Variants in FSTL5 observed in about 807,000 individuals in gnomAD.
FSTL5 encodes the protein follistatin-related protein 5.
Under a neutral mutation model 89.1 loss-of-function variants are expected in FSTL5, and 62 were observed. The ratio of observed to expected loss-of-function variants is 0.70; its 90% CI spans 0.57 to 0.86. The LOEUF (loss-of-function observed/expected upper bound fraction) is 0.86. Ranked by LOEUF, FSTL5 falls within the 40% of genes least tolerant of loss-of-function variation. The pLI is 0.00. For synonymous variants in FSTL5, 383 were observed against 346.2 expected (o/e 1.11, Z -1.18); for missense variants, 1,057 against 1,001.6 (o/e 1.06, Z -0.75).
chr4:161,641,026 C>G (rs1173007942), intron 7 of FSTL5, among the ~76,000 whole-genome samples: 2 of 152,174 alleles, frequency 1.3e-5, no homozygotes, highest in Non-Finnish European at 2.9e-5. Context: ...AAGAAATAAG[C>G]TGCCAACCAG....
chr4:161,413,272 AAAAAAAAAAAAT>A (rs1274670104), intron 15 of FSTL5, among the ~76,000 whole-genome samples: 22,342 of 105,774 alleles, frequency 0.21, 3,864 homozygotes, highest in Non-Finnish European at 0.31. Flanking sequence ...AAAAAAAAAA[AAAAAAAAAAAAT>A]AAAGACACAC....
chr4:161,834,465 A>G (rs1395554298), intron 4 of FSTL5, among the ~76,000 whole-genome samples: 3 of 151,902 alleles, frequency 2.0e-5, no homozygotes, highest in Admixed American at 1.3e-4. Flanking sequence ...GATTAGGCAG[A>G]AGAAGGAAAT....
At chr4:161,678,485 A>G (rs1737399188) in intron 6 of FSTL5, among the ~76,000 whole-genome samples, 1 of 151,886 alleles carries the variant, frequency 6.6e-6, no homozygotes, top group African/African-American at 2.4e-5. Flanking sequence ...ACACAAATAC[A>G]TTACTGAAAA....
intron 5 of FSTL5, among the ~76,000 whole-genome samples, chr4:161,768,498 A>G (rs1741095368): frequency 6.6e-6 from 1 of 151,976 alleles, no homozygotes; most frequent in Non-Finnish European, 1.5e-5. Context: ...TCTAGGGTGT[A>G]AGGAAGGCAA....
In FSTL5 at chr4:161,550,082, A is replaced by G. The variant is rs1732147387; in HGVS notation, c.1016-7389T>C. Among the ~76,000 whole-genome samples the G allele has an allele frequency of 4.0e-5, 6 of 151,898 alleles. No homozygotes were observed. In the South Asian group the frequency reaches 1.2e-3, roughly 32 times the overall value. On this transcript the variant is annotated intron_variant, in intron 8 of 15. Transcript: ENST00000306100. ...ATTAAACTAGCTTCATGTTAACTAC[A>G]CAGAGAAAAATGAGGCAGGGGAGGG...
intron 12 of FSTL5, among the ~76,000 whole-genome samples, chr4:161,490,815 C>A (rs764554281): frequency 6.6e-6 from 1 of 152,008 alleles, no homozygotes; most frequent in Non-Finnish European, 1.5e-5. Context: ...CAAAGAGCTT[C>A]GCATTTGATT....
intron 8 of FSTL5, among the ~76,000 whole-genome samples, chr4:161,578,907 T>C (rs1403518671): frequency 6.6e-6 from 1 of 151,900 alleles, no homozygotes; most frequent in Admixed American, 6.6e-5. Flanking sequence ...TAAAAAAAAG[T>C]AAAAATATCT....
intron 4 of FSTL5, among the ~76,000 whole-genome samples, chr4:161,873,032 A>T (rs1390531753): frequency 6.6e-6 from 1 of 152,122 alleles, no homozygotes; most frequent in Non-Finnish European, 1.5e-5. Context: ...CTATAGAAAA[A>T]AGTTGGGGCT....
At chr4:162,069,811 GACTATA>G in intron 2 of FSTL5, among the ~76,000 whole-genome samples, 1 of 151,966 alleles carries the variant, frequency 6.6e-6, no homozygotes, top group Non-Finnish European at 1.5e-5. Context: ...CACTTTGGTT[GACTATA>G]TCTTAGCCTT....
intron 6 of FSTL5, among the ~76,000 whole-genome samples, chr4:161,699,745 T>C (rs983230591): frequency 2.0e-5 from 3 of 152,202 alleles, no homozygotes; most frequent in Non-Finnish European, 4.4e-5. Context: ...AGCATTCCCA[T>C]GGTGTTACCA....
At chr4:161,963,922 G>A (rs148367278) in intron 3 of FSTL5, among the ~76,000 whole-genome samples, 62 of 151,972 alleles carry the variant, frequency 4.1e-4, no homozygotes, top group African/African-American at 1.4e-3. Context: ...TCTTATAAGA[G>A]TACTTACATT....
chr4:161,888,652 T>C (rs1430564684), intron 4 of FSTL5, among the ~76,000 whole-genome samples: 1 of 152,102 alleles, frequency 6.6e-6, no homozygotes. Flanking sequence ...CTAGTGGTAA[T>C]GGGTGATAAG....
At chr4:161,758,900 T>C (rs1740679339) in intron 6 of FSTL5, among the ~76,000 whole-genome samples, 1 of 152,212 alleles carries the variant, frequency 6.6e-6, no homozygotes, top group Admixed American at 6.5e-5. Context: ...AAAAAATACA[T>C]TTAGTCACTC....
intron 2 of FSTL5, among the ~76,000 whole-genome samples, chr4:162,100,930 A>G (rs1355250065): frequency 1.3e-5 from 2 of 152,232 alleles, no homozygotes; most frequent in Non-Finnish European, 2.9e-5. Context: ...ATACGAGAGC[A>G]CGATTTTGAC....
At chr4:161,977,627 AAAAAAAAAAAAAAATAAT>A (rs1414925407) in intron 3 of FSTL5, among the ~76,000 whole-genome samples, 19 of 92,328 alleles carry the variant, frequency 2.1e-4, no homozygotes, top group African/African-American at 6.2e-4. Flanking sequence ...AAAAAAAAAA[AAAAAAAAAAAAAAATAAT>A]AATAATAATA....
At chr4:161,846,095 TTGTG>T (rs150894352) in intron 4 of FSTL5, among the ~76,000 whole-genome samples, 1 of 151,288 alleles carries the variant, frequency 6.6e-6, no homozygotes, top group Non-Finnish European at 1.5e-5. Flanking sequence ...GTGTGTGTGT[TTGTG>T]TGTGTGTGTG....
At chr4:161,805,169 A>T (rs1417936136) in intron 4 of FSTL5, among the ~76,000 whole-genome samples, 1 of 152,092 alleles carries the variant, frequency 6.6e-6, no homozygotes, top group African/African-American at 2.4e-5. Context: ...TACCGAGGGC[A>T]TTCCTGATAT....
At chr4:162,118,110 G>A (rs1016571296) in intron 1 of FSTL5, among the ~76,000 whole-genome samples, 5 of 152,156 alleles carry the variant, frequency 3.3e-5, no homozygotes, top group Non-Finnish European at 7.3e-5. Context: ...GAATTGGAAG[G>A]ACCGGAGTGG....
At chr4:161,631,477 A>G (rs1735504223) in intron 7 of FSTL5, among the ~76,000 whole-genome samples, 1 of 152,100 alleles carries the variant, frequency 6.6e-6, no homozygotes, top group Non-Finnish European at 1.5e-5. Flanking sequence ...ATTAGCCAGG[A>G]ATGGTGGCAG....
Sources: gnomAD v4.1 joint callset for allele counts (sites outside exome capture counted in the v4.1 genomes callset) on GRCh38, gnomAD v4.1.1 for gene constraint, MANE v1.5 for transcripts, NCBI Gene and HGNC (gene_info 2026-07-23, HGNC 2026-07-21) for gene names.